DENND1A: variants seen among roughly 807,000 people sequenced by gnomAD.
DENND1A encodes the protein DENN domain-containing protein 1A.
Under a neutral mutation model 113.7 loss-of-function variants are expected in DENND1A, and 51 were observed. That is an observed-to-expected ratio of 0.45 (90% CI 0.36 to 0.57). The LOEUF (loss-of-function observed/expected upper bound fraction) is 0.57. Ranked by LOEUF, DENND1A falls within the 20% of genes least tolerant of loss-of-function variation. The pLI is 0.00. For missense variants in DENND1A, 1,258 were observed against 1,395.9 expected (o/e 0.90, Z 1.57); for synonymous variants, 565 against 570.8 (o/e 0.99, Z 0.14).
At chr9:123,458,877 G>A (rs535668191) in intron 13 of DENND1A, among the ~76,000 whole-genome samples, 1 of 152,262 alleles carries the variant, frequency 6.6e-6, no homozygotes, top group Non-Finnish European at 1.5e-5. Context: ...CAGGAGAATC[G>A]CTTGAACCTG....
At chr9:123,536,145 T>G (rs1285922762) in intron 13 of DENND1A, among the ~76,000 whole-genome samples, 1 of 152,124 alleles carries the variant, frequency 6.6e-6, no homozygotes, top group Non-Finnish European at 1.5e-5. Flanking sequence ...ACTGGCTTCA[T>G]GTTGGTATTT....
rs1259439506 is a variant in DENND1A, at chr9:123,616,111, G to A, written c.720-6630C>T. On this transcript the variant is annotated intron_variant, in intron 10 of 23. Coordinates refer to ENST00000394215, the MANE Select transcript of DENND1A (RefSeq NM_001352964.2). Reference sequence around the variant, plus strand: ...CGCCTGGCTGGTTTTTGTATTTTTAGTGGAGACAGGGTTTCACCATGTTGC... The same window carrying A: ...CGCCTGGCTGGTTTTTGTATTTTTAATGGAGACAGGGTTTCACCATGTTGC... Among the ~76,000 whole-genome samples, 4 of 152,148 alleles carry A rather than the reference G, an allele frequency of 2.6e-5. No individual in the cohort carries two copies. In the South Asian group the frequency reaches 6.2e-4, roughly 24 times the overall value.
intron 2 of DENND1A, among the ~76,000 whole-genome samples, chr9:123,855,704 G>T (rs1844063638): frequency 6.6e-6 from 1 of 152,146 alleles, no homozygotes; most frequent in Non-Finnish European, 1.5e-5. Flanking sequence ...CAGCAGGACA[G>T]AAGAAAAGGG....
At chr9:123,508,047 T>A (rs946613236) in intron 13 of DENND1A, among the ~76,000 whole-genome samples, 1 of 152,094 alleles carries the variant, frequency 6.6e-6, no homozygotes, top group African/African-American at 2.4e-5. Context: ...ACATCGGCGA[T>A]GGGTTAATGG....
intron 13 of DENND1A, among the ~76,000 whole-genome samples, chr9:123,516,714 C>T (rs1326418228): frequency 6.6e-6 from 1 of 151,372 alleles, no homozygotes; most frequent in African/African-American, 2.4e-5. Context: ...GGTGAAATCC[C>T]ATCTCTACTA....
At chr9:123,512,209 C>T (rs1041588923) in intron 13 of DENND1A, among the ~76,000 whole-genome samples, 5 of 152,184 alleles carry the variant, frequency 3.3e-5, no homozygotes, top group African/African-American at 1.2e-4. Context: ...TATCACAGCC[C>T]CGGCTCCTCA....
chr9:123,871,100 T>C (rs1846533386), intron 2 of DENND1A, among the ~76,000 whole-genome samples: 1 of 152,160 alleles, frequency 6.6e-6, no homozygotes, highest in African/African-American at 2.4e-5. Flanking sequence ...ATTATTATTA[T>C]TGAGACAGGG....
At chr9:123,701,027 C>T (rs1281056431) in intron 5 of DENND1A, among the ~76,000 whole-genome samples, 2 of 152,172 alleles carry the variant, frequency 1.3e-5, no homozygotes, top group Non-Finnish European at 1.5e-5. Flanking sequence ...TTACCTCACA[C>T]TACATACAAA....
intron 1 of DENND1A, among the ~76,000 whole-genome samples, chr9:123,922,395 A>G (rs1162505164): frequency 6.6e-6 from 1 of 152,218 alleles, no homozygotes; most frequent in East Asian, 1.9e-4. Context: ...ATATCCATAA[A>G]TTATAATAAT....
chr9:123,511,460 T>C (rs1237101737), intron 13 of DENND1A, among the ~76,000 whole-genome samples: 1 of 152,224 alleles, frequency 6.6e-6, no homozygotes, highest in African/African-American at 2.4e-5. Flanking sequence ...ACAAGAAGCA[T>C]GTCCGATTTA....
chr9:123,498,727 T>C lies in DENND1A; in HGVS notation c.994-40830A>G, dbSNP rs1328376420. ...TCACTTAACCAGTCTCTCTCTCTCT[T>C]TTTTTTTTTTCTTGAGACAAAGTCT... On this transcript the variant is annotated intron_variant, in intron 13 of 23. Transcript: ENST00000394215. Among the ~76,000 whole-genome samples, 6 of 149,494 alleles carry C rather than the reference T, an allele frequency of 4.0e-5. No homozygotes were observed. The South Asian group carries it at 1.1e-3, about 26-fold the overall frequency.
Position 123,866,902 on chromosome 9 carries a change from G to T in DENND1A, c.88+12049C>A, listed in dbSNP as rs565658253. Among the ~76,000 whole-genome samples the T allele has an allele frequency of 1.0e-3, 152 of 152,212 alleles. 1 individual carries two copies. The Middle Eastern group carries it at 0.031, about 31-fold the overall frequency. ...AAGTCTACAGACTGGCCATTATACT[G>T]TTTTTATTACAAATTATTCAAAGAT... is the stretch of plus-strand genomic sequence containing the variant. On this transcript the variant is annotated intron_variant, in intron 2 of 23. Transcript: ENST00000394215.
At chr9:123,554,165 A>G (rs2057291128) in intron 13 of DENND1A, among the ~76,000 whole-genome samples, 1 of 152,132 alleles carries the variant, frequency 6.6e-6, no homozygotes, top group African/African-American at 2.4e-5. Context: ...GATGCAGCCA[A>G]CGCCTCCTCC....
rs562044348 is a variant in DENND1A at position 123,467,209 on chromosome 9, C to A, written c.994-9312G>T. The stretch of plus-strand genomic sequence containing the variant: ...TGTTTACTTTGTGAGCACGTAGAGT[C>A]CTGCTGAATGTCCCCACATCCTGGG... On this transcript the variant is annotated intron_variant, in intron 13 of 23. Coordinates refer to ENST00000394215, the MANE Select transcript of DENND1A (RefSeq NM_001352964.2). Among the ~76,000 whole-genome samples, 3 of 152,294 alleles carry A rather than the reference C, an allele frequency of 2.0e-5. No individual in the cohort carries two copies. The East Asian group carries it at 5.8e-4, about 29-fold the overall frequency.
At chr9:123,384,014 A>G in intron 22 of DENND1A, 101 bp from the exon 23 acceptor site, 3 of 1,483,036 alleles carry the variant, frequency 2.0e-6, no homozygotes, top group Non-Finnish European at 2.7e-6. Context: ...GGGTGCACGC[A>G]GGGGCCTGCG....
Position 123,524,579 on chromosome 9 carries a change from C to G in DENND1A, c.993+32991G>C, listed in dbSNP as rs1055542264. Among the ~76,000 whole-genome samples the G allele has an allele frequency of 3.3e-5, 5 of 152,200 alleles. No individual in the cohort carries two copies. The South Asian group carries it at 6.2e-4, about 19-fold the overall frequency. ...CAAACACAGCACTTGACAAACAAAA[C>G]ACATTTAAGGGCTGAATTTGCTGAA... On this transcript the variant is annotated intron_variant, in intron 13 of 23. Transcript: ENST00000394215.
At chr9:123,507,727 C>G (rs1055424267) in intron 13 of DENND1A, among the ~76,000 whole-genome samples, 1 of 150,716 alleles carries the variant, frequency 6.6e-6, no homozygotes, top group Non-Finnish European at 1.5e-5. Context: ...TGGTTGCAGA[C>G]TCCTGCAGCC....
At chr9:123,762,386 G>A (rs1006522015) in intron 4 of DENND1A, among the ~76,000 whole-genome samples, 2 of 152,188 alleles carry the variant, frequency 1.3e-5, no homozygotes, top group African/African-American at 4.8e-5. Context: ...AAACCTTCAT[G>A]CTTCCTTTTA....
chr9:123,591,938 G>A (rs895756327), intron 11 of DENND1A, among the ~76,000 whole-genome samples: 2 of 152,196 alleles, frequency 1.3e-5, no homozygotes, highest in Non-Finnish European at 2.9e-5. Flanking sequence ...TTAACACAGC[G>A]ATTAAGACTG....
Sources: allele counts gnomAD v4.1 joint callset (sites outside exome capture counted in the v4.1 genomes callset), GRCh38; gene constraint gnomAD v4.1.1; transcripts MANE v1.5; gene names NCBI Gene and HGNC (gene_info 2026-07-23, HGNC 2026-07-21).